The following IVNS1ABP variants were observed in gnomAD, a reference collection of about 807,000 sequenced individuals.
IVNS1ABP encodes influenza virus NS1A binding protein.
A neutral mutation model predicts 78.9 loss-of-function variants in IVNS1ABP; 25 were observed. That is an observed-to-expected ratio of 0.32 (90% confidence interval 0.23 to 0.44). IVNS1ABP has a LOEUF of 0.44. Ranked by LOEUF, IVNS1ABP falls within the 20% of genes least tolerant of loss-of-function variation. The pLI is 1.00. For missense variants in IVNS1ABP, 494 were observed against 768.9 expected, an observed-to-expected ratio of 0.64 and a Z score of 4.23; for synonymous variants, 241 against 259.7, an observed-to-expected ratio of 0.93 and a Z score of 0.69.
chr1:185,302,206 A>C (rs1218230626), intron 8 of IVNS1ABP, among the ~76,000 whole-genome samples: 2 of 151,894 alleles, frequency 1.3e-5, no homozygotes, highest in South Asian at 2.1e-4. Flanking sequence ...TACTAAAAAC[A>C]ACCAAATATT....
At chr1:185,301,302 G>A in intron 9 of IVNS1ABP, 106 bp from the exon 10 acceptor site, 3 of 1,412,400 alleles carry the variant, frequency 2.1e-6, no homozygotes, top group Non-Finnish European at 2.9e-6. Context: ...GGAACAATCT[G>A]CTCTCGTTTT....
intron 10 of IVNS1ABP, 97 bp downstream of exon 10, chr1:185,300,875 C>T (rs1665576896): frequency 1.2e-6 from 1 of 868,136 alleles, no homozygotes; most frequent in East Asian, 2.5e-5. Context: ...TATTGGATTG[C>T]CGTGAAAGAT....
rs756681208 is a variant in IVNS1ABP at position 185,309,196 on chromosome 1, T to G, written c.112-24A>C. On this transcript the variant is annotated intron_variant, in intron 3 of 14. Transcript: ENST00000367498. ...ACCTGAAATTATGAAGAATTATAAT[T>G]ATAAGTATTGTGGATTATGTGCTTC... The G allele has an allele frequency of 8.5e-6, 13 of 1,528,834 alleles. No individual in the cohort carries two copies. In the Admixed American group the frequency reaches 2.5e-4, roughly 30 times the overall value. The allele number at this position is 1,528,834 out of a possible 1,614,324, so 94.7% of individuals were successfully genotyped here.
intron 7 of IVNS1ABP, chr1:185,306,387 TAAAAGTAG>T: frequency 9.7e-7 from 1 of 1,028,752 alleles, no homozygotes; most frequent in Admixed American, 3.1e-5. Flanking sequence ...GTATTTTTTT[TAAAAGTAG>T]CCCAAGTTAA....
intron 1 of IVNS1ABP, among the ~76,000 whole-genome samples, chr1:185,314,273 ATTCT>A (rs1480833345): frequency 1.3e-5 from 2 of 152,308 alleles, no homozygotes; most frequent in South Asian, 4.2e-4. Context: ...TAGTTTTGTA[ATTCT>A]TTCACTACAA....
intron 1 of IVNS1ABP, among the ~76,000 whole-genome samples, chr1:185,312,992 CCAAAAA>C (rs1478375433): frequency 6.6e-6 from 1 of 152,054 alleles, no homozygotes; most frequent in Non-Finnish European, 1.5e-5. Context: ...CTCTGAAAAG[CCAAAAA>C]CATTATAATA....
In IVNS1ABP at chr1:185,297,690, G is replaced by T; in HGVS notation, c.*345C>A. 3.4e-6 allele frequency: 1 copy of T among 291,780 alleles called. No individual in the cohort carries two copies. The highest frequency in any genetic ancestry group is 6.4e-6 in the Non-Finnish European group (1 of 155,322). The allele number at this position is 291,780 out of a possible 1,614,324, so 18.1% of individuals were successfully genotyped here. ...TAAACCCTACCCCTTTTACCCCATA[G>T]TACACATTTGAGGGAAGAGTCATTT... On this transcript the variant is annotated 3_prime_UTR_variant, in exon 15 of 15. Transcript: ENST00000367498.
chr1:185,304,941 G>T (rs148955107), intron 8 of IVNS1ABP, among the ~76,000 whole-genome samples: 2 of 152,018 alleles, frequency 1.3e-5, no homozygotes, highest in African/African-American at 4.8e-5. Context: ...TTTACTCATA[G>T]GGGAAAAATG....
chr1:185,310,800 C>T (rs1027701314), intron 2 of IVNS1ABP, among the ~76,000 whole-genome samples: 14 of 151,590 alleles, frequency 9.2e-5, no homozygotes, highest in African/African-American at 3.4e-4. Flanking sequence ...AGCACTTGAG[C>T]CCAGGAGTTC....
At chr1:185,301,266 G>T in intron 9 of IVNS1ABP, 70 bp from the exon 10 acceptor site, 1 of 1,433,008 alleles carries the variant, frequency 7.0e-7, no homozygotes, top group Non-Finnish European at 9.7e-7. Context: ...ATCCTGAATT[G>T]GACTCCAGTC....
At chr1:185,301,748 CAAT>C (rs113602203) in intron 8 of IVNS1ABP, 185 bp from the exon 9 acceptor site, 8,811 of 532,388 alleles carry the variant, frequency 0.017, 581 homozygotes, top group African/African-American at 0.15. Context: ...CATCTCCACT[CAAT>C]GATGAGACAA....
rs554631696 is a variant in IVNS1ABP, at chr1:185,296,788, C to G, written c.*1247G>C. On this transcript the variant is annotated 3_prime_UTR_variant, in exon 15 of 15. Transcript: ENST00000367498. ...CATTCCTTATTTCAGATGTAAGATG[C>G]CAGGTGAGTTATTTTCCACAAATTT... 1 of 151,994 alleles carries G rather than the reference C, an allele frequency of 6.6e-6. No homozygotes were observed. Among genetic ancestry groups the G allele is most frequent in the East Asian group, 1.9e-4 (1 of 5,178 alleles). 9.4% of individuals were successfully genotyped at this position (151,994 alleles called of 1,614,324 possible). A position where few individuals can be genotyped will look rare whatever the true frequency, so the allele number is the denominator to read the frequency against.
intron 10 of IVNS1ABP, 43 bp downstream of exon 10, chr1:185,300,929 T>C: frequency 1.4e-6 from 2 of 1,475,206 alleles, no homozygotes; most frequent in Non-Finnish European, 1.9e-6. Flanking sequence ...GTCACAAAAA[T>C]GCCCATCTAC....
rs748318749 is a variant in IVNS1ABP at position 185,299,981 on chromosome 1, GAA to G, written c.1501+16_1501+17del. 1 of 1,600,748 alleles carries G rather than the reference GAA, an allele frequency of 6.2e-7. No homozygotes were observed. Among genetic ancestry groups the G allele is most frequent in the Non-Finnish European group, 8.5e-7 (1 of 1,175,486 alleles). ...TTTGAAGGTCTTTAAAAAAAAAAAGGAAAAAAAATCAACTTACGAATGTTAAG... is the reference window on the plus strand; with the variant it reads ...TTTGAAGGTCTTTAAAAAAAAAAAGGAAAAAATCAACTTACGAATGTTAAG... On this transcript the variant is annotated intron_variant, in intron 13 of 14. Transcript: ENST00000367498.
rs1026547120 is a variant in IVNS1ABP, at chr1:185,301,307, C to T, written c.896-111G>A. 5.6e-6 allele frequency: 8 copies of T among 1,430,766 alleles called. No individual in the cohort carries two copies. In the African/African-American group the frequency reaches 8.5e-5, roughly 15 times the overall value. The allele number at this position is 1,430,766 out of a possible 1,614,324, so 88.6% of individuals were successfully genotyped here. A position where few individuals can be genotyped will look rare whatever the true frequency, so the allele number is the denominator to read the frequency against. ...ATCCCAGACTGGAACAATCTGCTCT[C>T]GTTTTCCAAATTTAATTGCTTCTGA... On this transcript the variant is annotated intron_variant, in intron 9 of 14. Transcript: ENST00000367498.
intron 8 of IVNS1ABP, chr1:185,301,765 C>T (rs1387536465): frequency 2.0e-5 from 9 of 447,648 alleles, no homozygotes; most frequent in African/African-American, 6.0e-5. Flanking sequence ...GAGACAACTA[C>T]GCCTACACAA....
chr1:185,314,712 T>C (rs543303484), intron 1 of IVNS1ABP, among the ~76,000 whole-genome samples: 1 of 152,306 alleles, frequency 6.6e-6, no homozygotes, highest in Admixed American at 6.5e-5. Flanking sequence ...CATGCTCCTT[T>C]AAGGCAGTGA....
Position 185,298,309 on chromosome 1 carries a change from G to T in IVNS1ABP, c.1676-21C>A, listed in dbSNP as rs748966788. 7 of 1,606,458 alleles carry T rather than the reference G, an allele frequency of 4.4e-6. No homozygotes were observed. The highest frequency in any genetic ancestry group is 6.0e-6 in the Non-Finnish European group (7 of 1,175,332). On this transcript the variant is annotated intron_variant, in intron 14 of 14. Coordinates refer to ENST00000367498, the MANE Select transcript of IVNS1ABP (RefSeq NM_006469.5). The surrounding 1 kb of genome is among the most constrained non-coding windows in gnomAD (Gnocchi z 4.1). ...TTTTCCTAAAAGAGAAATGAGATGGGGTAAATCCAGAGATTAAAGTGTAAT... is the reference window on the plus strand; with the variant it reads ...TTTTCCTAAAAGAGAAATGAGATGGTGTAAATCCAGAGATTAAAGTGTAAT...
chr1:185,297,924 G>T lies in IVNS1ABP; in HGVS notation c.*111C>A. The T allele has an allele frequency of 1.0e-6, 1 of 1,003,992 alleles. No homozygotes were observed. Among genetic ancestry groups the T allele is most frequent in the Non-Finnish European group, 1.5e-6 (1 of 670,232 alleles). 62.2% of individuals were successfully genotyped at this position (1,003,992 alleles called of 1,614,324 possible). ...ATAGTATGCAATATGCAAAAGCTTT[G>T]TGTTGCTGTTAGCAACATCTATACC... On this transcript the variant is annotated 3_prime_UTR_variant, in exon 15 of 15. Coordinates refer to ENST00000367498, the MANE Select transcript of IVNS1ABP (RefSeq NM_006469.5).
Sources: gnomAD v4.1 joint callset for allele counts (sites outside exome capture counted in the v4.1 genomes callset) on GRCh38, gnomAD v4.1.1 for gene constraint, Gnocchi (gnomAD v3.1) non-coding constraint, MANE v1.5 for transcripts, NCBI Gene and HGNC (gene_info 2026-07-23, HGNC 2026-07-21) for gene names.